The following RYR3 variants were observed in gnomAD, a reference collection of about 807,000 sequenced individuals.
The protein encoded by RYR3 is brain ryanodine receptor-calcium release channel.
Under a neutral mutation model 584.3 loss-of-function variants are expected in RYR3, and 207 were observed. The observed-to-expected ratio is 0.35, with a 90% confidence interval of 0.32 to 0.40. RYR3 has a LOEUF of 0.40. RYR3 is among the 10% of genes least tolerant of loss of function. The pLI, the probability that RYR3 is intolerant of heterozygous loss-of-function variation, is 1.00. For synonymous variants in RYR3, 2,416 were observed against 2,248.5 expected (o/e 1.07, Z -2.11); for missense variants, 5,616 against 6,089.2 (o/e 0.92, Z 2.59).
At chr15:33,788,995 T>C (rs2074920703) in intron 67 of RYR3, among the ~76,000 whole-genome samples, 1 of 152,124 alleles carries the variant, frequency 6.6e-6, no homozygotes, top group Admixed American at 6.5e-5. Flanking sequence ...GATAGAATGT[T>C]ACTGAGAAAT....
intron 1 of RYR3, among the ~76,000 whole-genome samples, chr15:33,315,713 C>T (rs1309383504): frequency 6.6e-6 from 1 of 152,182 alleles, no homozygotes; most frequent in Non-Finnish European, 1.5e-5. Flanking sequence ...GAGAAGGAGG[C>T]TGGATCCTTT....
At chr15:33,324,375 G>A (rs920635473) in intron 1 of RYR3, among the ~76,000 whole-genome samples, 4 of 152,210 alleles carry the variant, frequency 2.6e-5, no homozygotes, top group African/African-American at 9.6e-5. Context: ...TTAAGGATAA[G>A]GAGTAGGAGC....
chr15:33,594,753 T>G (rs2059291989), intron 16 of RYR3, among the ~76,000 whole-genome samples: 1 of 152,160 alleles, frequency 6.6e-6, no homozygotes, highest in South Asian at 2.1e-4. Flanking sequence ...ACAAGACAGC[T>G]TTTTGTGGAT....
chr15:33,344,943 C>T (rs989063314), intron 1 of RYR3, among the ~76,000 whole-genome samples: 1 of 152,104 alleles, frequency 6.6e-6, no homozygotes, highest in African/African-American at 2.4e-5. Flanking sequence ...TGCTGAAATC[C>T]ACTTTCCCAA....
At chr15:33,573,329 T>C (rs1337873719) in intron 12 of RYR3, among the ~76,000 whole-genome samples, 1 of 152,184 alleles carries the variant, frequency 6.6e-6, no homozygotes, top group Non-Finnish European at 1.5e-5. Context: ...CCATCTCTTT[T>C]GAGAAACCAA....
chr15:33,794,567 T>A (rs180908773), intron 67 of RYR3, among the ~76,000 whole-genome samples: 5 of 152,056 alleles, frequency 3.3e-5, no homozygotes, highest in Admixed American at 2.0e-4. Flanking sequence ...ATTGCATTTG[T>A]CACTATTGAC....
At chr15:33,682,592 A>G (rs1472852984) in intron 38 of RYR3, among the ~76,000 whole-genome samples, 3 of 152,236 alleles carry the variant, frequency 2.0e-5, no homozygotes, top group Admixed American at 2.0e-4. Context: ...ATAATTATCA[A>G]GGAAACCATC....
At chr15:33,631,187 C>G in intron 22 of RYR3, 23 bp from the exon 23 acceptor site, 2 of 1,481,436 alleles carry the variant, frequency 1.4e-6, no homozygotes, top group Non-Finnish European at 1.8e-6. Context: ...TAACCTTAGT[C>G]TTCTCCTTCT....
At chr15:33,425,950 T>C (rs550925052) in intron 1 of RYR3, among the ~76,000 whole-genome samples, 43 of 152,342 alleles carry the variant, frequency 2.8e-4, no homozygotes, top group African/African-American at 6.3e-4. Flanking sequence ...ACTGTTTTTT[T>C]ATTCTTTAAA....
intron 3 of RYR3, among the ~76,000 whole-genome samples, chr15:33,525,021 T>C (rs117174983): frequency 0.026 from 3,889 of 152,320 alleles, 64 homozygotes; most frequent in Non-Finnish European, 0.04. Flanking sequence ...TGGATAAATA[T>C]TAGGTCTGTG....
At chr15:33,410,454 T>G (rs879712198) in intron 1 of RYR3, among the ~76,000 whole-genome samples, 1 of 152,202 alleles carries the variant, frequency 6.6e-6, no homozygotes, top group East Asian at 1.9e-4. Flanking sequence ...AGACAAACTT[T>G]TTGTCACTAA....
At position 33,706,899 on chromosome 15, in the gene RYR3, T is replaced by G. The variant is rs747915289; in HGVS notation, c.6484-20T>G. 1.1e-5 allele frequency: 17 copies of G among 1,582,944 alleles called. No individual in the cohort carries two copies. Among genetic ancestry groups the G allele is most frequent in the Non-Finnish European group, 1.4e-5 (16 of 1,163,760 alleles). On this transcript the variant is annotated intron_variant, in intron 42 of 103. Coordinates refer to ENST00000634891, the MANE Select transcript of RYR3 (RefSeq NM_001036.6). ...CATCCTAATGCGTGCGAAAGAACAC[T>G]TTTGTACTGTTTCTGGCAGGTGGTG...
chr15:33,340,171 G>A (rs960368837), intron 1 of RYR3, among the ~76,000 whole-genome samples: 5 of 152,238 alleles, frequency 3.3e-5, no homozygotes, highest in Admixed American at 2.0e-4. Context: ...CCCTTTGAAC[G>A]CTTTAAGGAA....
At chr15:33,403,793 A>G (rs1023146720) in intron 1 of RYR3, among the ~76,000 whole-genome samples, 2 of 152,248 alleles carry the variant, frequency 1.3e-5, no homozygotes, top group African/African-American at 4.8e-5. Flanking sequence ...GACTCTGTGC[A>G]TAATCACATA....
intron 64 of RYR3, among the ~76,000 whole-genome samples, chr15:33,775,449 A>C (rs2073934301): frequency 6.6e-6 from 1 of 152,130 alleles, no homozygotes; most frequent in Non-Finnish European, 1.5e-5. Flanking sequence ...TCCCTAAATC[A>C]GCCGTGTGTT....
rs753792149 is a variant in RYR3, at chr15:33,473,556, C to T, written c.171+18C>T. 1 of 1,613,108 alleles carries T rather than the reference C, an allele frequency of 6.2e-7. No individual in the cohort carries two copies. Among genetic ancestry groups the T allele is most frequent in the East Asian group, 2.2e-5 (1 of 44,858 alleles). On this transcript the variant is annotated intron_variant, in intron 2 of 103. Transcript: ENST00000634891. ...AAGCCAAGGTGAGATTGGCTGTCCGCCCTACACCTTCTTCCACCTTGGCGT... is the reference window on the plus strand; with the variant it reads ...AAGCCAAGGTGAGATTGGCTGTCCGTCCTACACCTTCTTCCACCTTGGCGT...
At chr15:33,432,222 T>C (rs1341302852) in intron 1 of RYR3, among the ~76,000 whole-genome samples, 4 of 152,132 alleles carry the variant, frequency 2.6e-5, no homozygotes, top group South Asian at 2.1e-4. Flanking sequence ...ATAAAAATCA[T>C]AGGTGCTGAT....
chr15:33,769,078 T>C, intron 61 of RYR3, 34 bp from the exon 62 acceptor site: 1 of 1,550,042 alleles, frequency 6.5e-7, no homozygotes, highest in East Asian at 2.2e-5. Context: ...GCTGAGTGGT[T>C]TGAGGGAATC....
chr15:33,430,597 T>C (rs183600384), intron 1 of RYR3, among the ~76,000 whole-genome samples: 76 of 152,282 alleles, frequency 5.0e-4, no homozygotes, highest in African/African-American at 1.8e-3. Context: ...TTATCTGAGG[T>C]CTACGGGCCA....
Sources: allele counts gnomAD v4.1 joint callset (sites outside exome capture counted in the v4.1 genomes callset), GRCh38; gene constraint gnomAD v4.1.1; transcripts MANE v1.5; gene names NCBI Gene and HGNC (gene_info 2026-07-23, HGNC 2026-07-21).